TBCK: variants seen among roughly 807,000 people sequenced by gnomAD.
TBCK encodes TBC1 domain containing kinase, also known as TBC domain-containing protein kinase-like protein.
TBCK carries 99 observed loss-of-function variants against 113.4 expected under a neutral mutation model. The ratio of observed to expected loss-of-function variants is 0.87; its 90% CI spans 0.74 to 1.03. The LOEUF is 1.03. TBCK is among the 50% of genes least tolerant of loss of function. The probability of loss-of-function intolerance (pLI) is 0.00; values close to 1 mark genes in which losing one functional copy is unlikely to be tolerated. For missense variants in TBCK, 1,045 were observed against 1,061.3 expected (o/e 0.98, Z 0.21); for synonymous variants, 369 against 370.8 (o/e 1.00, Z 0.05).
chr4:106,041,723 T>G lies in TBCK; in HGVS notation c.*4847A>C, dbSNP rs1733888839. ...AGGAATGAGAAAGGATATTAAAGAATAACAACTTAAAAGGAGACATTAGGC... is the reference window on the plus strand; with the variant it reads ...AGGAATGAGAAAGGATATTAAAGAAGAACAACTTAAAAGGAGACATTAGGC... On this transcript the variant is annotated 3_prime_UTR_variant, in exon 26 of 26. Coordinates refer to ENST00000394708, the MANE Select transcript of TBCK (RefSeq NM_001163435.3). 1 of 152,130 alleles carries G rather than the reference T, an allele frequency of 6.6e-6. No homozygotes were observed. The highest frequency in any genetic ancestry group is 1.5e-5 in the Non-Finnish European group (1 of 68,030). The allele number at this position is 152,130 out of a possible 1,614,324, so 9.4% of individuals were successfully genotyped here.
intron 20 of TBCK, among the ~76,000 whole-genome samples, chr4:106,209,052 C>T (rs1755841128): frequency 1.3e-5 from 2 of 152,192 alleles, no homozygotes; most frequent in South Asian, 4.1e-4. Flanking sequence ...CCAAGTGAGA[C>T]ATGGGCAGGG....
Position 106,284,482 on chromosome 4 carries a change from C to A in TBCK, c.266+10612G>T, listed in dbSNP as rs548222797. ...GACATAGTCTGCTTCCCATCAAAGT[C>A]TTCACGTATAACTTCTGCAATACTA... On this transcript the variant is annotated intron_variant, in intron 3 of 25. Transcript: ENST00000394708. Among the ~76,000 whole-genome samples, 85 of 152,228 alleles carry A rather than the reference C, an allele frequency of 5.6e-4. 1 individual carries two copies. The highest frequency in any genetic ancestry group is 1.1e-3 in the Non-Finnish European group (72 of 67,982).
intron 19 of TBCK, among the ~76,000 whole-genome samples, chr4:106,223,700 T>C (rs1266547462): frequency 6.6e-6 from 1 of 152,102 alleles, no homozygotes; most frequent in Non-Finnish European, 1.5e-5. Context: ...AGCAACCACA[T>C]CTTCCAAAAC....
chr4:106,309,658 T>A lies in TBCK; in HGVS notation c.-29-669A>T, dbSNP rs548941190. On this transcript the variant is annotated intron_variant, in intron 1 of 25. Coordinates refer to ENST00000394708, the MANE Select transcript of TBCK (RefSeq NM_001163435.3). ...ATAACCCACACACCACTGACAACCTTCCTTCTCATACAGTGAGGTAGGTCA... is the reference window on the plus strand; with the variant it reads ...ATAACCCACACACCACTGACAACCTACCTTCTCATACAGTGAGGTAGGTCA... 5.9e-5 allele frequency among the ~76,000 whole-genome samples: 9 copies of A among 152,154 alleles called. No individual in the cohort carries two copies. The East Asian group carries it at 1.5e-3, about 26-fold the overall frequency.
intron 5 of TBCK, among the ~76,000 whole-genome samples, chr4:106,252,340 AATTAAT>A (rs1355862547): frequency 2.0e-5 from 3 of 152,052 alleles, no homozygotes; most frequent in Admixed American, 6.6e-5. Flanking sequence ...CTTAACGCTG[AATTAAT>A]ATTTAAAGTG....
chr4:106,217,840 A>C (rs12644454), intron 19 of TBCK, among the ~76,000 whole-genome samples: 17,868 of 136,002 alleles, frequency 0.13, 1,452 homozygotes, highest in African/African-American at 0.21. Context: ...GCTACCAATG[A>C]CTTTCTTCAC....
chr4:106,278,861 T>C (rs541216273), intron 3 of TBCK, among the ~76,000 whole-genome samples: 2 of 152,046 alleles, frequency 1.3e-5, no homozygotes, highest in African/African-American at 4.8e-5. Flanking sequence ...TAAACTCTAT[T>C]GCAATAACCC....
At chr4:106,261,947 C>A in intron 4 of TBCK, 151 bp downstream of exon 4, 2 of 363,440 alleles carry the variant, frequency 5.5e-6, no homozygotes, top group Non-Finnish European at 9.8e-6. Context: ...ATTCAAAAAC[C>A]ACAGTTACAT....
intron 25 of TBCK, among the ~76,000 whole-genome samples, chr4:106,084,526 C>T (rs1739275904): frequency 6.6e-6 from 1 of 152,090 alleles, no homozygotes; most frequent in Non-Finnish European, 1.5e-5. Flanking sequence ...AGGATATTAG[C>T]CAGGAGAACT....
At position 106,101,535 on chromosome 4, in the gene TBCK, A is replaced by C. The variant is rs146757549; in HGVS notation, c.2412-5894T>G. Reference sequence around the variant, plus strand: ...TTAAGGACAAAGAGACAAGAGTAATACTAGTGTTCACTAAGGATGAATGTG... The same window carrying C: ...TTAAGGACAAAGAGACAAGAGTAATCCTAGTGTTCACTAAGGATGAATGTG... On this transcript the variant is annotated intron_variant, in intron 24 of 25. Coordinates refer to ENST00000394708, the MANE Select transcript of TBCK (RefSeq NM_001163435.3). Among the ~76,000 whole-genome samples, 670 of 152,338 alleles carry C rather than the reference A, an allele frequency of 4.4e-3. 2 individuals are homozygous for C. Among genetic ancestry groups the C allele is most frequent in the Non-Finnish European group, 6.6e-3 (452 of 68,036 alleles).
chr4:106,146,186 C>T (rs1282165358), intron 23 of TBCK, among the ~76,000 whole-genome samples: 2 of 151,866 alleles, frequency 1.3e-5, no homozygotes, highest in East Asian at 1.9e-4. Context: ...AAATGTGGTA[C>T]ATATACATAT....
intron 3 of TBCK, among the ~76,000 whole-genome samples, chr4:106,294,163 G>A (rs1219883388): frequency 1.3e-5 from 2 of 151,918 alleles, no homozygotes; most frequent in East Asian, 3.8e-4. Context: ...TATCCTATTT[G>A]AAGTTACAAT....
chr4:106,123,799 T>C (rs950528646), intron 23 of TBCK, among the ~76,000 whole-genome samples: 1 of 149,554 alleles, frequency 6.7e-6, no homozygotes, highest in East Asian at 2.0e-4. Flanking sequence ...GCTAGCCATA[T>C]GTAGAAAGCT....
At chr4:106,307,861 A>C (rs1450648296) in intron 2 of TBCK, among the ~76,000 whole-genome samples, 1 of 152,124 alleles carries the variant, frequency 6.6e-6, no homozygotes, top group African/African-American at 2.4e-5. Context: ...CTAAAAACGC[A>C]GTAAACATCT....
At chr4:106,207,745 AACAAAC>A (rs1755691884) in intron 20 of TBCK, among the ~76,000 whole-genome samples, 1 of 152,204 alleles carries the variant, frequency 6.6e-6, no homozygotes, top group African/African-American at 2.4e-5. Flanking sequence ...TGAATTAAAA[AACAAAC>A]ACAAAGAAAA....
chr4:106,114,132 A>G (rs1385761563), intron 24 of TBCK, among the ~76,000 whole-genome samples: 1 of 152,214 alleles, frequency 6.6e-6, no homozygotes, highest in Non-Finnish European at 1.5e-5. Flanking sequence ...CTGCTGCTGC[A>G]CACATCTGTA....
chr4:106,221,968 TA>T (rs1383556487), intron 19 of TBCK, among the ~76,000 whole-genome samples: 1 of 151,842 alleles, frequency 6.6e-6, no homozygotes, highest in Non-Finnish European at 1.5e-5. Context: ...ATCTAAAAGT[TA>T]AAAAAAATCT....
At chr4:106,153,191 G>A (rs1442072175) in intron 23 of TBCK, among the ~76,000 whole-genome samples, 1 of 151,782 alleles carries the variant, frequency 6.6e-6, no homozygotes, top group Non-Finnish European at 1.5e-5. Flanking sequence ...TTTTGATGTA[G>A]GCACTTATAG....
chr4:106,075,520 G>A (rs12509640), intron 25 of TBCK, among the ~76,000 whole-genome samples: 42,392 of 152,074 alleles, frequency 0.28, 6,188 homozygotes, highest in Middle Eastern at 0.33. Flanking sequence ...GTCATGCTTC[G>A]AGATTGCCTT....
Sources: allele counts gnomAD v4.1 joint callset (sites outside exome capture counted in the v4.1 genomes callset), GRCh38; gene constraint gnomAD v4.1.1; transcripts MANE v1.5; gene names NCBI Gene and HGNC (gene_info 2026-07-23, HGNC 2026-07-21).